The following ZIC4 variants were observed in gnomAD, a reference collection of about 807,000 sequenced individuals.
ZIC4 encodes the protein zinc finger protein ZIC 4.
Under a neutral mutation model 28.8 loss-of-function variants are expected in ZIC4, and 15 were observed. That is an observed-to-expected ratio of 0.52 (90% CI 0.35 to 0.80). The LOEUF is 0.80. Among genes scored for constraint, ZIC4 ranks in the 30% least tolerant of loss-of-function variants. ZIC4 has a pLI of 0.01. For synonymous variants in ZIC4, 220 were observed against 198.1 expected (o/e 1.11, Z -0.93); for missense variants, 512 against 467.1 (o/e 1.10, Z -0.89).
At chr3:147,400,349 T>A (rs1559964460) in intron 2 of ZIC4, among the ~76,000 whole-genome samples, 1 of 152,220 alleles carries the variant, frequency 6.6e-6, no homozygotes, top group Non-Finnish European at 1.5e-5. Flanking sequence ...GTGTATGACT[T>A]TTTTGTGCCA....
chr3:147,394,727 G>T (rs1486033976), intron 3 of ZIC4, among the ~76,000 whole-genome samples: 1 of 152,180 alleles, frequency 6.6e-6, no homozygotes, highest in Non-Finnish European at 1.5e-5. Flanking sequence ...AAAGTGCCAG[G>T]CTCCAAGTGG....
chr3:147,402,785 T>C lies in ZIC4; in HGVS notation c.13A>G (p.Thr5Ala). The C allele has an allele frequency of 6.2e-7, 1 of 1,613,958 alleles. No homozygotes were observed. The highest frequency in any genetic ancestry group is 8.5e-7 in the Non-Finnish European group (1 of 1,179,948). The change falls in exon 2 of 5, where the codon ACA becomes GCA. Residue 5 changes from threonine to alanine, a missense_variant. Thr to Ala is a moderately conservative substitution (Grantham distance 58). Coordinates refer to ENST00000383075, the MANE Select transcript of ZIC4 (RefSeq NM_032153.6). Reference sequence around the variant, plus strand: ...AATCGTTTCCTCATCACCAAGGATGTCTTGTATCTCATTTTCTGACTTTGA... The same window carrying C: ...AATCGTTTCCTCATCACCAAGGATGCCTTGTATCTCATTTTCTGACTTTGA... MRYKTSLVMRKRLRL... is the reference protein window; with the variant it reads MRYKASLVMRKRLRL...
chr3:147,395,003 A>G (rs2087010150), intron 3 of ZIC4, among the ~76,000 whole-genome samples: 1 of 152,196 alleles, frequency 6.6e-6, no homozygotes, highest in Non-Finnish European at 1.5e-5. Flanking sequence ...GGAGGGGAGA[A>G]GATGTTGATT....
In ZIC4 at chr3:147,396,628, G is replaced by A; in HGVS notation, c.71-159C>T. The A allele has an allele frequency of 1.1e-6, 1 of 940,012 alleles. No homozygotes were observed. The highest frequency in any genetic ancestry group is 1.5e-6 in the Non-Finnish European group (1 of 679,860). 58.2% of individuals were successfully genotyped at this position (940,012 alleles called of 1,614,324 possible). A position where few individuals can be genotyped will look rare whatever the true frequency, so the allele number is the denominator to read the frequency against. ...GCGCCAGCAGTGAACCCGGTGGACA[G>A]AGCAAGGCCAAACACCTCCGCCGCC... On this transcript the variant is annotated intron_variant, in intron 2 of 4. Transcript: ENST00000383075. This position sits in a 1 kb window ranked among gnomAD's most constrained non-coding sequence, Gnocchi z 4.2.
intron 3 of ZIC4, 176 bp from the exon 4 acceptor site, chr3:147,391,422 C>G (rs1452469377): frequency 1.3e-6 from 1 of 760,068 alleles, no homozygotes; most frequent in Non-Finnish European, 2.0e-6. Context: ...AGAGCGCCCC[C>G]GGTGCCCTCT....
intron 4 of ZIC4, 130 bp from the exon 5 acceptor site, chr3:147,388,989 T>C: frequency 1.5e-6 from 1 of 670,236 alleles, no homozygotes; most frequent in Non-Finnish European, 2.7e-6. Flanking sequence ...AAAAAAGTCC[T>C]ACTTCAGGAA....
intron 2 of ZIC4, among the ~76,000 whole-genome samples, 170 bp downstream of exon 2, chr3:147,402,558 T>C (rs1333583906): frequency 6.6e-6 from 1 of 151,994 alleles, no homozygotes; most frequent in African/African-American, 2.4e-5. Flanking sequence ...TGTGCAAATG[T>C]ATTGAACACT....
chr3:147,396,384 C>G lies in ZIC4; in HGVS notation c.156G>C (p.Gln52His), dbSNP rs1175998498. The change falls in exon 3 of 5, where the codon CAG becomes CAC. Residue 52 changes from glutamine to histidine, a missense_variant. By Grantham distance (24) the Gln-to-His change is conservative. Transcript: ENST00000383075. The surrounding 1 kb of genome is among the most constrained non-coding windows in gnomAD (Gnocchi z 4.2). ...VFPGLHEEPP[Q>H]ASPSRPLNGL... ...CATTCAAAGGACGGCTGGGGGAGGC[C>G]TGGGGAGGCTCCTCGTGGAGGCCCG... 1.3e-6 allele frequency: 2 copies of G among 1,531,378 alleles called. No homozygotes were observed. The highest frequency in any genetic ancestry group is 1.7e-6 in the Non-Finnish European group (2 of 1,143,924). The allele number at this position is 1,531,378 out of a possible 1,614,324, so 94.9% of individuals were successfully genotyped here. A position where few individuals can be genotyped will look rare whatever the true frequency, so the allele number is the denominator to read the frequency against.
intron 2 of ZIC4, among the ~76,000 whole-genome samples, chr3:147,397,358 C>T (rs1217797083): frequency 6.6e-6 from 1 of 151,994 alleles, no homozygotes; most frequent in Non-Finnish European, 1.5e-5. Flanking sequence ...CTTCCCTGCT[C>T]CAACCGCCAC....
At position 147,396,674 on chromosome 3, in the gene ZIC4, G is replaced by T; in HGVS notation, c.71-205C>A. 1 of 564,956 alleles carries T rather than the reference G, an allele frequency of 1.8e-6. No homozygotes were observed. The highest frequency in any genetic ancestry group is 2.9e-6 in the Non-Finnish European group (1 of 349,828). 35.0% of individuals were successfully genotyped at this position (564,956 alleles called of 1,614,324 possible). ...CCGCCATTGGGCCGAATTGCTGTTG[G>T]GCCAAGTCCCCCGCCGCGCCATGAG... On this transcript the variant is annotated intron_variant, in intron 2 of 4. Coordinates refer to ENST00000383075, the MANE Select transcript of ZIC4 (RefSeq NM_032153.6). This position sits in a 1 kb window ranked among gnomAD's most constrained non-coding sequence, Gnocchi z 4.2.
intron 2 of ZIC4, among the ~76,000 whole-genome samples, chr3:147,398,311 T>A (rs549323923): frequency 6.6e-6 from 1 of 152,202 alleles, no homozygotes. Flanking sequence ...CTTCTCTGCT[T>A]CCTCCTACCT....
intron 3 of ZIC4, chr3:147,391,939 C>T: frequency 2.0e-6 from 2 of 984,650 alleles, no homozygotes; most frequent in South Asian, 9.4e-5. Context: ...CCCCTGAGGG[C>T]AAACATTTAG....
Position 147,393,140 on chromosome 3 carries a change from C to G in ZIC4, c.689-1894G>C, listed in dbSNP as rs375976170. Among the ~76,000 whole-genome samples the G allele has an allele frequency of 1.8e-4, 27 of 151,372 alleles. 1 individual carries two copies. The highest frequency in any genetic ancestry group is 6.6e-4 in the African/African-American group (27 of 41,134). On this transcript the variant is annotated intron_variant, in intron 3 of 4. Transcript: ENST00000383075. The stretch of plus-strand genomic sequence containing the variant: ...TGGTGCCCCTCCCCAACAACCCCCA[C>G]CCCCAACAAAAATCCCGCCAAACGC...
At chr3:147,394,833 C>A (rs546453658) in intron 3 of ZIC4, among the ~76,000 whole-genome samples, 231 of 152,274 alleles carry the variant, frequency 1.5e-3, no homozygotes, top group African/African-American at 5.2e-3. Flanking sequence ...GAACAACTAG[C>A]CTTAGGAAGT....
At chr3:147,393,658 G>T (rs552351143) in intron 3 of ZIC4, 85 of 292,488 alleles carry the variant, frequency 2.9e-4, no homozygotes, top group African/African-American at 1.9e-3. Context: ...CGCACTTGTG[G>T]CTGGATCTGG....
At chr3:147,405,089 G>T (rs2087247161) in intron 1 of ZIC4, among the ~76,000 whole-genome samples, 1 of 152,212 alleles carries the variant, frequency 6.6e-6, no homozygotes, top group Non-Finnish European at 1.5e-5. Context: ...ACCCTCAAGC[G>T]CCAGGAGTTT....
rs1043143933 is a variant in ZIC4, at chr3:147,387,336, C to T, written c.*1523G>A. ...CTCTTTAGAAACGGTTTGAAACTAACGGGGCAGAGGGAGTTTGACAGAGAG... is the reference window on the plus strand; with the variant it reads ...CTCTTTAGAAACGGTTTGAAACTAATGGGGCAGAGGGAGTTTGACAGAGAG... On this transcript the variant is annotated 3_prime_UTR_variant, in exon 5 of 5. Coordinates refer to ENST00000383075, the MANE Select transcript of ZIC4 (RefSeq NM_032153.6). 1 of 152,540 alleles carries T rather than the reference C, an allele frequency of 6.6e-6. No individual in the cohort carries two copies. The highest frequency in any genetic ancestry group is 1.5e-5 in the Non-Finnish European group (1 of 68,014). The allele number at this position is 152,540 out of a possible 1,614,324, so 9.4% of individuals were successfully genotyped here.
At chr3:147,399,715 C>A (rs1307476594) in intron 2 of ZIC4, among the ~76,000 whole-genome samples, 2 of 147,000 alleles carry the variant, frequency 1.4e-5, no homozygotes, top group African/African-American at 5.0e-5. Flanking sequence ...GCCCAGGCTG[C>A]AGTGCAATGG....
chr3:147,393,929 G>C, intron 3 of ZIC4: 1 of 456,738 alleles, frequency 2.2e-6, no homozygotes, highest in Admixed American at 2.3e-5. Flanking sequence ...TTCAAAGCCA[G>C]GCCCCGGATT....
Sources: allele counts gnomAD v4.1 joint callset (sites outside exome capture counted in the v4.1 genomes callset), GRCh38; gene constraint gnomAD v4.1.1; non-coding constraint Gnocchi (gnomAD v3.1); transcripts MANE v1.5; gene names NCBI Gene and HGNC (gene_info 2026-07-23, HGNC 2026-07-21).